Variants in EXOC6B observed in about 807,000 individuals in gnomAD.
EXOC6B encodes the protein SEC15 homolog B.
Under a neutral mutation model 113.5 loss-of-function variants are expected in EXOC6B, and 54 were observed. That is an observed-to-expected ratio of 0.48 (90% CI 0.38 to 0.60). EXOC6B has a LOEUF of 0.60. Among genes scored for constraint, EXOC6B ranks in the 20% least tolerant of loss-of-function variants. The pLI, the probability that EXOC6B is intolerant of heterozygous loss-of-function variation, is 0.00. For missense variants in EXOC6B, 797 were observed against 977.5 expected, an observed-to-expected ratio of 0.82 and a Z score of 2.46; for synonymous variants, 357 against 339.0, an observed-to-expected ratio of 1.05 and a Z score of -0.58.
rs1700156249 is a variant in EXOC6B, at chr2:72,498,521, C to G, written c.1270G>C (p.Asp424His). 2 of 1,607,958 alleles carry G rather than the reference C, an allele frequency of 1.2e-6. No individual in the cohort carries two copies. The change falls in exon 13 of 22, where the codon GAC becomes CAC. Residue 424 changes from aspartate to histidine, a missense_variant. By Grantham distance (81) the Asp-to-His change is moderately conservative. Coordinates refer to ENST00000272427, the MANE Select transcript of EXOC6B (RefSeq NM_015189.3). The part of the protein sequence containing the change: ...VYGFPVNQLF[D>H]MLLEIRDQYS... ...TGGTCTCTGATTTCTAACAGCATGTCAAAAAGCTGATTTACAGGGAAACCA... is the reference window on the plus strand; with the variant it reads ...TGGTCTCTGATTTCTAACAGCATGTGAAAAAGCTGATTTACAGGGAAACCA...
At chr2:72,712,894 A>T (rs917177380) in intron 6 of EXOC6B, among the ~76,000 whole-genome samples, 1 of 152,324 alleles carries the variant, frequency 6.6e-6, no homozygotes, top group East Asian at 1.9e-4. Context: ...AACCACATGC[A>T]ATTAAAGAAA....
chr2:72,329,436 T>C (rs1187697012), intron 20 of EXOC6B, among the ~76,000 whole-genome samples: 1 of 152,104 alleles, frequency 6.6e-6, no homozygotes, highest in Non-Finnish European at 1.5e-5. Flanking sequence ...TGGTAAAATA[T>C]TAAAAAATAA....
intron 6 of EXOC6B, among the ~76,000 whole-genome samples, chr2:72,712,828 T>G (rs1364692203): frequency 6.6e-6 from 1 of 152,088 alleles, no homozygotes; most frequent in Non-Finnish European, 1.5e-5. Context: ...ACACATGCAA[T>G]TAAAGAAAAA....
At chr2:72,399,378 T>C (rs1194498671) in intron 18 of EXOC6B, among the ~76,000 whole-genome samples, 2 of 152,136 alleles carry the variant, frequency 1.3e-5, no homozygotes, top group Non-Finnish European at 2.9e-5. Context: ...ACCACTCCTA[T>C]TCAACACAGT....
intron 18 of EXOC6B, among the ~76,000 whole-genome samples, chr2:72,395,566 TTTAA>T (rs1470848603): frequency 1.3e-5 from 2 of 152,178 alleles, no homozygotes; most frequent in African/African-American, 4.8e-5. Flanking sequence ...TAATAAGCTC[TTTAA>T]TTAACCTCAA....
chr2:72,463,899 G>A (rs1697868929), intron 18 of EXOC6B: 1 of 152,326 alleles, frequency 6.6e-6, no homozygotes, highest in East Asian at 1.9e-4. Flanking sequence ...TTCGGTGTCT[G>A]ATGAAGGCCT....
At chr2:72,265,823 C>A (rs535449958) in intron 20 of EXOC6B, among the ~76,000 whole-genome samples, 1 of 152,172 alleles carries the variant, frequency 6.6e-6, no homozygotes, top group African/African-American at 2.4e-5. Flanking sequence ...CCTGAGGAAT[C>A]ACCACACTGT....
At chr2:72,427,067 G>A (rs1485697312) in intron 18 of EXOC6B, among the ~76,000 whole-genome samples, 1 of 152,228 alleles carries the variant, frequency 6.6e-6, no homozygotes. Flanking sequence ...AGGGAGAAGG[G>A]GGTTGGCAGA....
At chr2:72,447,176 TA>T (rs1696636810) in intron 18 of EXOC6B, among the ~76,000 whole-genome samples, 1 of 152,178 alleles carries the variant, frequency 6.6e-6, no homozygotes, top group South Asian at 2.1e-4. Context: ...TTACCACCTC[TA>T]AAAACCAAAT....
At position 72,412,928 on chromosome 2, in the gene EXOC6B, C is replaced by T. The variant is rs536471312; in HGVS notation, c.1981-33058G>A. On this transcript the variant is annotated intron_variant, in intron 18 of 21. Transcript: ENST00000272427. ...TTCCTTTCCTTCCTTTCCTTTCCTT[C>T]CTTCTCTTTCTCTCTTTCTCTCCCT... Among the ~76,000 whole-genome samples the T allele has an allele frequency of 7.0e-4, 106 of 152,010 alleles. 1 individual carries two copies. The Middle Eastern group carries it at 0.01, about 15-fold the overall frequency.
chr2:72,428,247 C>T (rs1252872937), intron 18 of EXOC6B, among the ~76,000 whole-genome samples: 3 of 152,198 alleles, frequency 2.0e-5, no homozygotes, highest in Non-Finnish European at 1.5e-5. Context: ...ACCCCTTGTT[C>T]GCCACGTTCC....
At chr2:72,461,125 G>T (rs936784449) in intron 18 of EXOC6B, among the ~76,000 whole-genome samples, 1 of 147,222 alleles carries the variant, frequency 6.8e-6, no homozygotes, top group Admixed American at 6.9e-5. Context: ...ACCAAACACC[G>T]CATGTTCTCA....
At chr2:72,630,017 C>A (rs1223259533) in intron 6 of EXOC6B, among the ~76,000 whole-genome samples, 3 of 152,168 alleles carry the variant, frequency 2.0e-5, no homozygotes, top group Admixed American at 2.0e-4. Flanking sequence ...ATTATAATTT[C>A]TTCTTGTCCT....
chr2:72,706,555 T>C (rs1678893806), intron 6 of EXOC6B, among the ~76,000 whole-genome samples: 1 of 152,146 alleles, frequency 6.6e-6, no homozygotes, highest in Non-Finnish European at 1.5e-5. Flanking sequence ...TTTTGTTTTT[T>C]TTAGAGACAG....
At chr2:72,474,951 T>C (rs1698642191) in intron 17 of EXOC6B, among the ~76,000 whole-genome samples, 1 of 152,188 alleles carries the variant, frequency 6.6e-6, no homozygotes, top group South Asian at 2.1e-4. Flanking sequence ...GTTAGTTGGG[T>C]AGGACACTTT....
chr2:72,645,469 C>T (rs1673636444), intron 6 of EXOC6B, among the ~76,000 whole-genome samples: 3 of 152,314 alleles, frequency 2.0e-5, no homozygotes, highest in Admixed American at 6.5e-5. Context: ...CTCTCCACCC[C>T]AAATGAGCAG....
At chr2:72,397,386 C>T (rs1018811528) in intron 18 of EXOC6B, among the ~76,000 whole-genome samples, 4 of 151,824 alleles carry the variant, frequency 2.6e-5, no homozygotes, top group Non-Finnish European at 4.4e-5. Flanking sequence ...TTTGGGAGGC[C>T]GAGGCAGATG....
intron 1 of EXOC6B, among the ~76,000 whole-genome samples, chr2:72,815,797 T>C (rs1686205332): frequency 6.6e-6 from 1 of 152,182 alleles, no homozygotes; most frequent in African/African-American, 2.4e-5. Flanking sequence ...ACCTACCAAA[T>C]TCCAGATATA....
At chr2:72,539,556 A>T (rs984757374) in intron 8 of EXOC6B, among the ~76,000 whole-genome samples, 1 of 152,176 alleles carries the variant, frequency 6.6e-6, no homozygotes, top group Admixed American at 6.6e-5. Flanking sequence ...TTGGTAACTA[A>T]GTGCATTCAG....
Sources: gnomAD v4.1 joint callset for allele counts (sites outside exome capture counted in the v4.1 genomes callset) on GRCh38, gnomAD v4.1.1 for gene constraint, MANE v1.5 for transcripts, NCBI Gene and HGNC (gene_info 2026-07-23, HGNC 2026-07-21) for gene names.